Variants in RBFOX1 observed in about 807,000 individuals in gnomAD.
RBFOX1 encodes the protein RNA binding fox-1 homolog 1, also known as RNA binding protein fox-1 homolog 1.
A neutral mutation model predicts 57.7 loss-of-function variants in RBFOX1; 8 were observed. That is an observed-to-expected ratio of 0.14 (90% CI 0.08 to 0.25). RBFOX1 has a LOEUF of 0.25. RBFOX1 is among the 10% of genes least tolerant of loss of function. The pLI, the probability that RBFOX1 is intolerant of heterozygous loss-of-function variation, is 1.00. For missense variants in RBFOX1, 611 were observed against 548.5 expected, an observed-to-expected ratio of 1.11 and a Z score of -1.14; for synonymous variants, 326 against 222.4, an observed-to-expected ratio of 1.47 and a Z score of -4.15.
At chr16:6,720,083 G>T (rs2065676236) in intron 3 of RBFOX1, among the ~76,000 whole-genome samples, 1 of 151,978 alleles carries the variant, frequency 6.6e-6, no homozygotes. Context: ...GACAGTGTGA[G>T]ACTCCATCTG....
chr16:5,729,493 G>A (rs1013424232), intron 3 of RBFOX1, among the ~76,000 whole-genome samples: 7 of 142,194 alleles, frequency 4.9e-5, no homozygotes, highest in Non-Finnish European at 4.5e-5. Flanking sequence ...GGATATAAAT[G>A]TAAAAATCAC....
intron 1 of RBFOX1, among the ~76,000 whole-genome samples, chr16:5,388,830 G>C (rs938970722): frequency 4.0e-5 from 6 of 151,720 alleles, no homozygotes; most frequent in Admixed American, 3.9e-4. Context: ...ACCCACCTCA[G>C]CCTCCCAAAG....
chr16:7,025,953 C>T (rs1019489272), intron 3 of RBFOX1, among the ~76,000 whole-genome samples: 4 of 152,198 alleles, frequency 2.6e-5, no homozygotes, highest in African/African-American at 9.7e-5. Flanking sequence ...GGAAAGAGAG[C>T]CAGGTCTAGA....
intron 4 of RBFOX1, among the ~76,000 whole-genome samples, chr16:7,099,313 C>A (rs972904428): frequency 1.3e-5 from 2 of 152,082 alleles, no homozygotes; most frequent in African/African-American, 4.8e-5. Flanking sequence ...TTTCGTAATT[C>A]CTGGCTGGTG....
intron 3 of RBFOX1, among the ~76,000 whole-genome samples, chr16:5,762,523 T>C (rs998396817): frequency 2.0e-5 from 3 of 152,146 alleles, no homozygotes; most frequent in African/African-American, 7.2e-5. Context: ...TAAATGCACG[T>C]TTGTGCTTTG....
At chr16:7,103,947 C>G (rs1420984404) in intron 4 of RBFOX1, among the ~76,000 whole-genome samples, 1 of 152,146 alleles carries the variant, frequency 6.6e-6, no homozygotes, top group Non-Finnish European at 1.5e-5. Flanking sequence ...CAATTGAAAT[C>G]TTCCAAGTAT....
At chr16:6,211,919 A>G (rs2097301120) in intron 1 of RBFOX1, among the ~76,000 whole-genome samples, 1 of 151,836 alleles carries the variant, frequency 6.6e-6, no homozygotes, top group African/African-American at 2.4e-5. Context: ...GCATGGTCTC[A>G]GCTCACTGCA....
chr16:6,125,242 T>A (rs2096581085), intron 1 of RBFOX1, among the ~76,000 whole-genome samples: 1 of 152,184 alleles, frequency 6.6e-6, no homozygotes, highest in Admixed American at 6.5e-5. Flanking sequence ...ATTATTACAA[T>A]GTTTTTTTCT....
intron 3 of RBFOX1, among the ~76,000 whole-genome samples, chr16:6,700,749 C>G (rs1453279421): frequency 6.6e-6 from 1 of 152,102 alleles, no homozygotes; most frequent in African/African-American, 2.4e-5. Flanking sequence ...TCTTGAAACT[C>G]AAAATTTCAT....
At chr16:7,514,320 C>T (rs1020311514) in intron 4 of RBFOX1, among the ~76,000 whole-genome samples, 1 of 152,170 alleles carries the variant, frequency 6.6e-6, no homozygotes, top group African/African-American at 2.4e-5. Context: ...ATCCCCCTAC[C>T]CTATCTCCTG....
intron 1 of RBFOX1, among the ~76,000 whole-genome samples, chr16:6,197,954 C>G (rs1385005839): frequency 6.6e-6 from 1 of 152,176 alleles, no homozygotes; most frequent in Non-Finnish European, 1.5e-5. Context: ...CTATCTACAT[C>G]CATGTTGCTG....
chr16:7,293,565 G>A (rs1197492004), intron 4 of RBFOX1, among the ~76,000 whole-genome samples: 1 of 152,136 alleles, frequency 6.6e-6, no homozygotes, highest in Non-Finnish European at 1.5e-5. Context: ...CCCAGAGACA[G>A]GGAATATAAG....
At position 6,502,888 on chromosome 16, in the gene RBFOX1, C is replaced by T. The variant is rs921207558; in HGVS notation, c.-63-151715C>T. On this transcript the variant is annotated intron_variant, in intron 2 of 15. Transcript: ENST00000550418. Reference sequence around the variant, plus strand: ...GGTTATGTCCGTTTTATAGCAATGCCATGTTACAACTTGTAAACCGTCATA... The same window carrying T: ...GGTTATGTCCGTTTTATAGCAATGCTATGTTACAACTTGTAAACCGTCATA... 2.0e-5 allele frequency among the ~76,000 whole-genome samples: 3 copies of T among 152,098 alleles called. No homozygotes were observed. The East Asian group carries it at 5.8e-4, about 29-fold the overall frequency.
chr16:5,270,174 A>C (rs948099388), intron 1 of RBFOX1: 1 of 394,690 alleles, frequency 2.5e-6, no homozygotes, highest in Non-Finnish European at 4.8e-6. Context: ...GAGCAGCACC[A>C]TGGCGGTTGT....
chr16:5,636,457 G>A (rs1204843024), intron 3 of RBFOX1, among the ~76,000 whole-genome samples: 2 of 152,196 alleles, frequency 1.3e-5, no homozygotes, highest in Non-Finnish European at 2.9e-5. Context: ...CAAAGCACTG[G>A]ATGAGAATCT....
intron 1 of RBFOX1, among the ~76,000 whole-genome samples, chr16:6,307,394 AC>A (rs138232415): frequency 0.095 from 14,451 of 151,928 alleles, 2,033 homozygotes; most frequent in African/African-American, 0.31. Context: ...AATAAAAAAA[AC>A]ATCATCATTA....
chr16:7,382,726 G>A (rs941394712), intron 4 of RBFOX1, among the ~76,000 whole-genome samples: 1 of 152,174 alleles, frequency 6.6e-6, no homozygotes, highest in Admixed American at 6.5e-5. Flanking sequence ...TACACATCCC[G>A]CTATTTGTAT....
intron 4 of RBFOX1, among the ~76,000 whole-genome samples, chr16:7,428,150 G>A (rs1350462327): frequency 6.6e-6 from 1 of 152,030 alleles, no homozygotes; most frequent in Non-Finnish European, 1.5e-5. Flanking sequence ...TGTGATGGAT[G>A]TATCACGTTG....
chr16:7,503,031 TAAATA>T (rs964558683), intron 4 of RBFOX1, among the ~76,000 whole-genome samples: 2 of 151,966 alleles, frequency 1.3e-5, no homozygotes, highest in African/African-American at 4.8e-5. Context: ...TCAAAAAAAA[TAAATA>T]AATTATTCTA....
Sources: allele counts gnomAD v4.1 joint callset (sites outside exome capture counted in the v4.1 genomes callset), GRCh38; gene constraint gnomAD v4.1.1; transcripts MANE v1.5; gene names NCBI Gene and HGNC (gene_info 2026-07-23, HGNC 2026-07-21).